The following USP6NL variants were observed in gnomAD, a reference collection of about 807,000 sequenced individuals.
The protein encoded by USP6NL is USP6 N-terminal like, also known as USP6 N-terminal-like protein.
Under a neutral mutation model 61.9 loss-of-function variants are expected in USP6NL, and 26 were observed. The observed-to-expected ratio is 0.42, with a 90% CI of 0.31 to 0.58. The LOEUF (loss-of-function observed/expected upper bound fraction) is 0.58, where lower values mean the gene tolerates loss of function less well. Among genes scored for constraint, USP6NL ranks in the 20% least tolerant of loss-of-function variants. The pLI, the probability that USP6NL is intolerant of heterozygous loss-of-function variation, is 0.16. For synonymous variants in USP6NL, 432 were observed against 390.1 expected, an observed-to-expected ratio of 1.11 and a Z score of -1.27; for missense variants, 1,114 against 1,034.3, an observed-to-expected ratio of 1.08 and a Z score of -1.06.
intron 2 of USP6NL, chr10:11,564,029 A>C (rs1449755025): frequency 6.6e-6 from 1 of 152,246 alleles, no homozygotes; most frequent in East Asian, 1.9e-4. Flanking sequence ...CAGATTTTCA[A>C]AGCACAGCAT....
intron 14 of USP6NL, among the ~76,000 whole-genome samples, chr10:11,466,732 A>C (rs1309264885): frequency 6.6e-6 from 1 of 152,188 alleles, no homozygotes; most frequent in African/African-American, 2.4e-5. Flanking sequence ...ACAAACCTAG[A>C]TGGCACAGCC....
intron 1 of USP6NL, among the ~76,000 whole-genome samples, chr10:11,604,481 A>G (rs1237302682): frequency 6.6e-6 from 1 of 152,242 alleles, no homozygotes; most frequent in Admixed American, 6.5e-5. Context: ...GGTAACCCTC[A>G]GTTTCAGGGG....
intron 4 of USP6NL, among the ~76,000 whole-genome samples, chr10:11,522,189 T>C (rs889173604): frequency 3.3e-5 from 5 of 152,226 alleles, no homozygotes; most frequent in African/African-American, 1.2e-4. Flanking sequence ...CCACATATAA[T>C]AACAGGTAAT....
At chr10:11,538,130 C>G (rs1835907146) in intron 2 of USP6NL, among the ~76,000 whole-genome samples, 1 of 152,082 alleles carries the variant, frequency 6.6e-6, no homozygotes, top group South Asian at 2.1e-4. Context: ...CACACCAAGT[C>G]CTGGGTCAGC....
intron 14 of USP6NL, among the ~76,000 whole-genome samples, chr10:11,467,267 C>G (rs532803334): frequency 6.6e-6 from 1 of 152,120 alleles, no homozygotes; most frequent in Non-Finnish European, 1.5e-5. Flanking sequence ...AGAATATGAA[C>G]AGGAAACTCA....
In USP6NL at chr10:11,585,091, T is replaced by C. The variant is rs1256596302; in HGVS notation, c.4+12540A>G. On this transcript the variant is annotated intron_variant, in intron 2 of 14. Coordinates refer to ENST00000609104, the MANE Select transcript of USP6NL (RefSeq NM_014688.5). This position sits in a 1 kb window ranked among gnomAD's most constrained non-coding sequence, Gnocchi z 4.5. ...ATAATCATTTTGGGAGAAAAGACTG[T>C]TTTAGAATGATATGATGCAAGAGAA... Among the ~76,000 whole-genome samples the C allele has an allele frequency of 6.6e-6, 1 of 152,164 alleles. No individual in the cohort carries two copies. Among genetic ancestry groups the C allele is most frequent in the East Asian group, 1.9e-4 (1 of 5,198 alleles).
At chr10:11,557,516 C>G (rs889302133) in intron 2 of USP6NL, among the ~76,000 whole-genome samples, 35 of 152,166 alleles carry the variant, frequency 2.3e-4, no homozygotes, top group African/African-American at 7.7e-4. Context: ...ATTTTAAATG[C>G]AAATTTTAAA....
At chr10:11,523,382 C>A (rs1835286268) in intron 4 of USP6NL, among the ~76,000 whole-genome samples, 1 of 152,230 alleles carries the variant, frequency 6.6e-6, no homozygotes, top group Non-Finnish European at 1.5e-5. Context: ...AGGCATATTT[C>A]ATGAAATTTA....
intron 14 of USP6NL, among the ~76,000 whole-genome samples, chr10:11,480,762 G>A (rs1566122018): frequency 1.3e-5 from 2 of 152,176 alleles, no homozygotes; most frequent in Non-Finnish European, 2.9e-5. Context: ...ACACTGATGG[G>A]GAAACGCCAA....
intron 2 of USP6NL, among the ~76,000 whole-genome samples, chr10:11,569,043 G>A (rs571094185): frequency 6.6e-6 from 1 of 152,270 alleles, no homozygotes; most frequent in South Asian, 2.1e-4. Context: ...AATAATTCTT[G>A]TCATAGTATC....
intron 14 of USP6NL, among the ~76,000 whole-genome samples, chr10:11,464,228 A>G (rs745756695): frequency 6.6e-6 from 1 of 152,212 alleles, no homozygotes; most frequent in Non-Finnish European, 1.5e-5. Flanking sequence ...CAAGTTAACT[A>G]TAAAATACTA....
In USP6NL at chr10:11,482,089, T is replaced by C; in HGVS notation, c.926-167A>G. ...TCATTAAAACTCAGTAAGACAAAAA[T>C]ATTGCCTGATATTAAAGCAGCCACA... On this transcript the variant is annotated intron_variant, in intron 13 of 14. Coordinates refer to ENST00000609104, the MANE Select transcript of USP6NL (RefSeq NM_014688.5). The surrounding 1 kb of genome is among the most constrained non-coding windows in gnomAD (Gnocchi z 4.0). Among the ~76,000 whole-genome samples, 1 of 152,060 alleles carries C rather than the reference T, an allele frequency of 6.6e-6. No homozygotes were observed. The highest frequency in any genetic ancestry group is 1.9e-4 in the East Asian group (1 of 5,184).
rs1207893072 is a variant in USP6NL at position 11,476,510 on chromosome 10, A to C, written c.1078+5260T>G. The stretch of plus-strand genomic sequence containing the variant: ...AATGTTTCAACAGCAACTACAAAAC[A>C]TACAGAAATAAAATAAAGGTACAAA... On this transcript the variant is annotated intron_variant, in intron 14 of 14. Coordinates refer to ENST00000609104, the MANE Select transcript of USP6NL (RefSeq NM_014688.5). The surrounding 1 kb of genome is among the most constrained non-coding windows in gnomAD (Gnocchi z 4.3). Among the ~76,000 whole-genome samples the C allele has an allele frequency of 6.6e-6, 1 of 152,268 alleles. No individual in the cohort carries two copies. Among genetic ancestry groups the C allele is most frequent in the Non-Finnish European group, 1.5e-5 (1 of 68,048 alleles).
rs1015912565 is a variant in USP6NL at position 11,496,098 on chromosome 10, T to C, written c.385-2870A>G. Reference sequence around the variant, plus strand: ...AGGCTGGACTGTCCAAAATTTAAACTACTCAACTCCTCTGCTTTCATGACA... The same window carrying C: ...AGGCTGGACTGTCCAAAATTTAAACCACTCAACTCCTCTGCTTTCATGACA... On this transcript the variant is annotated intron_variant, in intron 7 of 14. Transcript: ENST00000609104. The surrounding 1 kb of genome is among the most constrained non-coding windows in gnomAD (Gnocchi z 5.4). Among the ~76,000 whole-genome samples, 10 of 152,228 alleles carry C rather than the reference T, an allele frequency of 6.6e-5. No individual in the cohort carries two copies. Among genetic ancestry groups the C allele is most frequent in the Non-Finnish European group, 1.3e-4 (9 of 68,038 alleles).
chr10:11,476,772 AAACAT>A lies in USP6NL; in HGVS notation c.1078+4993_1078+4997del, dbSNP rs1832982810. On this transcript the variant is annotated intron_variant, in intron 14 of 14. Coordinates refer to ENST00000609104, the MANE Select transcript of USP6NL (RefSeq NM_014688.5). The surrounding 1 kb of genome is among the most constrained non-coding windows in gnomAD (Gnocchi z 4.3). Reference sequence around the variant, plus strand: ...AATGATAAAAAACTACATGTCAAAAAAACATAGACATGAATACAGCAAAAGAAGAC... The same window carrying A: ...AATGATAAAAAACTACATGTCAAAAAAGACATGAATACAGCAAAAGAAGAC... Among the ~76,000 whole-genome samples, 1 of 152,250 alleles carries A rather than the reference AAACAT, an allele frequency of 6.6e-6. No homozygotes were observed. Among genetic ancestry groups the A allele is most frequent in the Admixed American group, 6.5e-5 (1 of 15,284 alleles).
intron 2 of USP6NL, among the ~76,000 whole-genome samples, chr10:11,559,723 G>A (rs572602559): frequency 1.1e-4 from 16 of 152,284 alleles, no homozygotes; most frequent in Non-Finnish European, 1.5e-5. Flanking sequence ...GTTGTGACTT[G>A]ATCGTGGAGA....
At position 11,548,543 on chromosome 10, in the gene USP6NL, T is replaced by C. The variant is rs1408665103; in HGVS notation, c.5-20976A>G. Reference sequence around the variant, plus strand: ...TAAATCTTAATTTCATAACCTTACTTTAGCTATCTCTATCAACTTTGTACC... The same window carrying C: ...TAAATCTTAATTTCATAACCTTACTCTAGCTATCTCTATCAACTTTGTACC... On this transcript the variant is annotated intron_variant, in intron 2 of 14. Transcript: ENST00000609104. This position sits in a 1 kb window ranked among gnomAD's most constrained non-coding sequence, Gnocchi z 4.3. Among the ~76,000 whole-genome samples the C allele has an allele frequency of 6.6e-6, 1 of 152,192 alleles. No homozygotes were observed. Among genetic ancestry groups the C allele is most frequent in the Non-Finnish European group, 1.5e-5 (1 of 68,018 alleles).
In USP6NL at chr10:11,463,126, T is replaced by G. The variant is rs371973255; in HGVS notation, c.1802A>C (p.Asn601Thr). 1.2e-6 allele frequency: 2 copies of G among 1,614,008 alleles called. No individual in the cohort carries two copies. The highest frequency in any genetic ancestry group is 8.5e-7 in the Non-Finnish European group (1 of 1,179,900). Residue 601 changes from asparagine to threonine, a missense_variant, in exon 15 of 15, where the codon AAC becomes ACC. Transcript: ENST00000609104. The surrounding 1 kb of genome is among the most constrained non-coding windows in gnomAD (Gnocchi z 6.3). ...EPSSSPSKVS[N>T]KFTFKVQPPS... Reference sequence around the variant, plus strand: ...AGGCTGTACTTTAAAAGTAAACTTGTTGGATACTTTTGATGGACTAGAACT... The same window carrying G: ...AGGCTGTACTTTAAAAGTAAACTTGGTGGATACTTTTGATGGACTAGAACT...
rs570542702 is a variant in USP6NL at position 11,486,303 on chromosome 10, T to C, written c.665-392A>G. On this transcript the variant is annotated intron_variant, in intron 10 of 14. Transcript: ENST00000609104. ...TTTGTTTTACTCTTAATATGTTAAA[T>C]AACAATTTATTACTTTTTTCAGGCT... Among the ~76,000 whole-genome samples the C allele has an allele frequency of 9.9e-5, 15 of 152,242 alleles. No homozygotes were observed. The South Asian group carries it at 2.9e-3, about 29-fold the overall frequency.
Sources: gnomAD v4.1 joint callset for allele counts (sites outside exome capture counted in the v4.1 genomes callset) on GRCh38, gnomAD v4.1.1 for gene constraint, Gnocchi (gnomAD v3.1) non-coding constraint, MANE v1.5 for transcripts, NCBI Gene and HGNC (gene_info 2026-07-23, HGNC 2026-07-21) for gene names.